PCDHGB5: variants seen among roughly 807,000 people sequenced by gnomAD.
The protein encoded by PCDHGB5 is protocadherin gamma-B5.
PCDHGB5 carries 48 observed loss-of-function variants against 62.9 expected under a neutral mutation model. The observed-to-expected ratio is 0.76, with a 90% CI of 0.61 to 0.97. The LOEUF (loss-of-function observed/expected upper bound fraction) is 0.97. Among genes scored for constraint, PCDHGB5 ranks in the 50% least tolerant of loss-of-function variants. PCDHGB5 has a pLI of 0.00. For synonymous variants in PCDHGB5, 474 were observed against 511.2 expected (o/e 0.93, Z 0.98); for missense variants, 1,118 against 1,198.6 (o/e 0.93, Z 0.99).
At chr5:141,468,415 G>A (rs1040067190) in intron 1 of PCDHGB5, 5 of 151,704 alleles carry the variant, frequency 3.3e-5, no homozygotes, top group Non-Finnish European at 7.4e-5. Context: ...TAATAAGTTA[G>A]ATAGCAAGGT....
chr5:141,511,695 C>A lies in PCDHGB5; in HGVS notation c.*522C>A, dbSNP rs1009832192. The A allele has an allele frequency of 9.7e-5, 19 of 195,544 alleles. No individual in the cohort carries two copies. The highest frequency in any genetic ancestry group is 1.7e-4 in the Non-Finnish European group (16 of 92,634). 12.1% of individuals were successfully genotyped at this position (195,544 alleles called of 1,614,324 possible). A position where few individuals can be genotyped will look rare whatever the true frequency, so the allele number is the denominator to read the frequency against. On this transcript the variant is annotated 3_prime_UTR_variant, in exon 4 of 4. Transcript: ENST00000617380. ...CTTCCCCCAAAGCATGGTTTGGTGC[C>A]AGCCCCTTCACCTCCTTCCAGAGCC...
chr5:141,496,916 T>C (rs1252437822), intron 2 of PCDHGB5, among the ~76,000 whole-genome samples: 4 of 148,274 alleles, frequency 2.7e-5, no homozygotes, highest in African/African-American at 9.9e-5. Context: ...CTGGGCACTG[T>C]GGTTCACGCC....
At chr5:141,469,951 T>G (rs1467717372) in intron 1 of PCDHGB5, among the ~76,000 whole-genome samples, 2 of 152,034 alleles carry the variant, frequency 1.3e-5, no homozygotes, top group African/African-American at 4.8e-5. Context: ...GCCAGCATGG[T>G]GAAACCCCAT....
At position 141,438,631 on chromosome 5, in the gene PCDHGB5, T is replaced by C. The variant is rs1227796079; in HGVS notation, c.2397+38107T>C. 6.5e-4 allele frequency among the ~76,000 whole-genome samples: 28 copies of C among 43,202 alleles called. 1 individual carries two copies. Among genetic ancestry groups the C allele is most frequent in the Non-Finnish European group, 8.8e-4 (23 of 26,272 alleles). 28.3% of individuals were successfully genotyped at this position (43,202 alleles called of 152,430 possible). On this transcript the variant is annotated intron_variant, in intron 1 of 3. Transcript: ENST00000617380. ...ATATATATATATATATATATATATATATATACACACACACACACACATATA... is the reference window on the plus strand; with the variant it reads ...ATATATATATATATATATATATATACATATACACACACACACACACATATA...
intron 1 of PCDHGB5, among the ~76,000 whole-genome samples, chr5:141,454,250 C>T (rs1453631901): frequency 6.6e-6 from 1 of 151,974 alleles, no homozygotes; most frequent in African/African-American, 2.4e-5. Context: ...TGAAGATGTC[C>T]CAGAGAAAGT....
At chr5:141,409,502 T>G (rs1311120933) in intron 1 of PCDHGB5, 17 of 1,613,868 alleles carry the variant, frequency 1.1e-5, no homozygotes, top group Non-Finnish European at 1.4e-5. Context: ...GCCTCTTTCT[T>G]CCAGTAGAAG....
chr5:141,438,627 TATATATATACACAC>T (rs1407400493), intron 1 of PCDHGB5, among the ~76,000 whole-genome samples: 2,053 of 47,724 alleles, frequency 0.043, 22 homozygotes, highest in African/African-American at 0.13. Context: ...TATATATATA[TATATATATACACAC>T]ACACACACAC....
chr5:141,399,460 G>A lies in PCDHGB5; in HGVS notation c.1333G>A (p.Ala445Thr). ...ACATATCAGAGACGTCAACGATAAC[G>A]CTCCGGTTTTCCACCAGGCGTCCTA... ...ILHIRDVNDN[A>T]PVFHQASYLV... Residue 445 changes from alanine to threonine, a missense_variant, in exon 1 of 4, where the codon GCT becomes ACT. Ala to Thr is a moderately conservative substitution (Grantham distance 58). Around this residue, in one of 2 missense-constraint regions of PCDHGB5, gnomAD observed 1,034 missense variants for 1,029.1 expected, o/e 1.00. Coordinates refer to ENST00000617380, the MANE Select transcript of PCDHGB5 (RefSeq NM_018925.3). The A allele has an allele frequency of 6.2e-7, 1 of 1,613,962 alleles. No individual in the cohort carries two copies. Among genetic ancestry groups the A allele is most frequent in the Middle Eastern group, 1.6e-4 (1 of 6,062 alleles).
chr5:141,409,697 C>A (rs372548874), intron 1 of PCDHGB5: 1 of 1,613,178 alleles, frequency 6.2e-7, no homozygotes, highest in African/African-American at 1.3e-5. Context: ...CCTAGAGCCC[C>A]TGGCGGTGTC....
In PCDHGB5 at chr5:141,490,309, A is replaced by G. The variant is rs1485303337; in HGVS notation, c.2398-4498A>G. On this transcript the variant is annotated intron_variant, in intron 1 of 3. Transcript: ENST00000617380. The surrounding 1 kb of genome is among the most constrained non-coding windows in gnomAD (Gnocchi z 5.4). ...AGAGGTGCTATTGGCCTCTTTGGCCAACCCTGTCCTAGAGAGCACACCAGT... is the reference window on the plus strand; with the variant it reads ...AGAGGTGCTATTGGCCTCTTTGGCCGACCCTGTCCTAGAGAGCACACCAGT... The G allele has an allele frequency of 2.8e-5, 46 of 1,614,126 alleles. No homozygotes were observed. Among genetic ancestry groups the G allele is most frequent in the Non-Finnish European group, 3.8e-5 (45 of 1,180,056 alleles).
chr5:141,403,925 G>A, intron 1 of PCDHGB5: 1 of 1,613,868 alleles, frequency 6.2e-7, no homozygotes, highest in South Asian at 1.1e-5. Flanking sequence ...TGAAGATGGT[G>A]GGGGATTGAA....
At chr5:141,499,029 A>AAGGAAGGAAGGAAGGAAGGAAGG (rs1562187768) in intron 2 of PCDHGB5, among the ~76,000 whole-genome samples, 1 of 139,968 alleles carries the variant, frequency 7.1e-6, no homozygotes, top group African/African-American at 2.8e-5. Flanking sequence ...AGGAAGGAAG[A>AAGGAAGGAAGGAAGGAAGGAAGG]AAAGAAAGAA....
chr5:141,507,487 G>A (rs889348168), intron 3 of PCDHGB5, among the ~76,000 whole-genome samples: 1 of 152,204 alleles, frequency 6.6e-6, no homozygotes, highest in African/African-American at 2.4e-5. Context: ...GCCTCCTGAG[G>A]CAGAGCTGTC....
chr5:141,421,680 G>A (rs2096591907), intron 1 of PCDHGB5: 5 of 1,613,758 alleles, frequency 3.1e-6, no homozygotes, highest in Non-Finnish European at 4.2e-6. Context: ...TTCCTGGGGC[G>A]CGATTTGCTC....
chr5:141,475,049 A>G (rs553607902), intron 1 of PCDHGB5, among the ~76,000 whole-genome samples: 81 of 152,346 alleles, frequency 5.3e-4, no homozygotes, highest in African/African-American at 1.8e-3. Context: ...TGTATTTTCT[A>G]AAGATTTGTG....
Position 141,422,952 on chromosome 5 carries a change from C to T in PCDHGB5, c.2397+22428C>T, listed in dbSNP as rs759618535. 11 of 1,614,254 alleles carry T rather than the reference C, an allele frequency of 6.8e-6. No homozygotes were observed. The East Asian group carries it at 2.0e-4, about 29-fold the overall frequency. On this transcript the variant is annotated intron_variant, in intron 1 of 3. Coordinates refer to ENST00000617380, the MANE Select transcript of PCDHGB5 (RefSeq NM_018925.3). ...CCCTCCCCACAGACGGCTCCACTGG[C>T]GTGGAGCTGGCGCCCCGCTCTGCGG...
At chr5:141,446,450 T>C (rs922188307) in intron 1 of PCDHGB5, among the ~76,000 whole-genome samples, 2 of 152,018 alleles carry the variant, frequency 1.3e-5, no homozygotes, top group Non-Finnish European at 2.9e-5. Context: ...AGTGCAGATA[T>C]TCAGTGTGTG....
At chr5:141,507,429 G>C (rs1191174823) in intron 3 of PCDHGB5, 3 of 152,238 alleles carry the variant, frequency 2.0e-5, no homozygotes, top group African/African-American at 7.2e-5. Flanking sequence ...AGTGGGGCCA[G>C]GCCTACAGCT....
rs2099396190 is a variant in PCDHGB5 at position 141,476,685 on chromosome 5, G to A, written c.2398-18122G>A. On this transcript the variant is annotated intron_variant, in intron 1 of 3. Coordinates refer to ENST00000617380, the MANE Select transcript of PCDHGB5 (RefSeq NM_018925.3). This position sits in a 1 kb window ranked among gnomAD's most constrained non-coding sequence, Gnocchi z 7.6. ...CTTCGCGTGCAGACGCGGGAGGACA[G>A]CACCAAGTACGCGGAGCTGGTGTTG... 3.1e-6 allele frequency: 5 copies of A among 1,614,102 alleles called. No homozygotes were observed.
Sources: gnomAD v4.1 joint callset for allele counts (sites outside exome capture counted in the v4.1 genomes callset) on GRCh38, gnomAD v4.1.1 for gene constraint, gnomAD v4.1.1 regional missense constraint, Gnocchi (gnomAD v3.1) non-coding constraint, MANE v1.5 for transcripts, NCBI Gene and HGNC (gene_info 2026-07-23, HGNC 2026-07-21) for gene names.